Variants in ANKRD27 observed in about 807,000 individuals in gnomAD.
The protein encoded by ANKRD27 is ankyrin repeat domain-containing protein 27.
In ANKRD27, 112 loss-of-function variants were observed where a neutral mutation model predicts 129.7. That is an observed-to-expected ratio of 0.86 (90% CI 0.74 to 1.01). ANKRD27 has a LOEUF of 1.01. ANKRD27 is among the 50% of genes least tolerant of loss of function. The pLI, the probability that ANKRD27 is intolerant of heterozygous loss-of-function variation, is 0.00. For missense variants in ANKRD27, 1,258 were observed against 1,300.5 expected (o/e 0.97, Z 0.50); for synonymous variants, 516 against 511.2 (o/e 1.01, Z -0.13).
At chr19:32,642,212 GA>G in intron 9 of ANKRD27, 67 bp from the exon 10 acceptor site, 1 of 1,343,732 alleles carries the variant, frequency 7.4e-7, no homozygotes, top group Admixed American at 2.7e-5. Context: ...CTGGATCTAA[GA>G]ACACATCTCA....
At chr19:32,661,157 C>T (rs975324001) in intron 1 of ANKRD27, among the ~76,000 whole-genome samples, 11 of 150,878 alleles carry the variant, frequency 7.3e-5, no homozygotes, top group African/African-American at 2.7e-4. Flanking sequence ...GCCATGATCA[C>T]GCCACTGCAC....
chr19:32,629,125 T>C (rs259235), intron 13 of ANKRD27, among the ~76,000 whole-genome samples: 120,205 of 152,068 alleles, frequency 0.79, 48,433 homozygotes, highest in African/African-American at 0.95. Context: ...TTTGCCATGT[T>C]GGCCAGGCTG....
In ANKRD27 at chr19:32,615,791, A is replaced by G; in HGVS notation, c.2053-11T>C. 1 of 1,609,654 alleles carries G rather than the reference A, an allele frequency of 6.2e-7. No homozygotes were observed. The highest frequency in any genetic ancestry group is 8.5e-7 in the Non-Finnish European group (1 of 1,177,140). On this transcript the variant is annotated splice_polypyrimidine_tract_variant and intron_variant, in intron 21 of 28. Transcript: ENST00000306065. ...CAACAGGTAACGCACCTGGTGATGG[A>G]GAGTAACGGAAACAGGAACACATCC...
Position 32,643,194 on chromosome 19 carries a change from C to T in ANKRD27, c.711G>A (p.Ala237=), listed in dbSNP as rs754477383. The T allele has an allele frequency of 7.4e-6, 12 of 1,613,894 alleles. No homozygotes were observed. The highest frequency in any genetic ancestry group is 5.3e-5 in the African/African-American group (4 of 74,876). ...YVGTMEASED[A]AFNKITRSLQ... is the part of the protein sequence containing the mutation. ...GGCTTCTTGTGATTTTGTTAAAGGCCGCATCCTAACAACAGATTTTAACGA... is the reference window on the plus strand; with the variant it reads ...GGCTTCTTGTGATTTTGTTAAAGGCTGCATCCTAACAACAGATTTTAACGA... The change falls in exon 9 of 29, where the codon GCG becomes GCA. Residue 237 remains alanine, a synonymous_variant. Coordinates refer to ENST00000306065, the MANE Select transcript of ANKRD27 (RefSeq NM_032139.3).
At chr19:32,654,676 T>A (rs1568417028) in intron 2 of ANKRD27, among the ~76,000 whole-genome samples, 1 of 152,178 alleles carries the variant, frequency 6.6e-6, no homozygotes, top group Non-Finnish European at 1.5e-5. Context: ...TCTTTTTTTT[T>A]AGAGATGGTG....
At chr19:32,659,141 T>A in intron 1 of ANKRD27, 96 bp from the exon 2 acceptor site, 1 of 433,242 alleles carries the variant, frequency 2.3e-6, no homozygotes, top group Non-Finnish European at 3.8e-6. Context: ...TTCTTTTTCT[T>A]TTTTTTTTTT....
intron 10 of ANKRD27, 112 bp downstream of exon 10, chr19:32,641,912 G>C: frequency 3.8e-6 from 5 of 1,320,668 alleles, no homozygotes; most frequent in Non-Finnish European, 5.0e-6. Context: ...GGGTTACAGA[G>C]GTGAGCCACT....
intron 2 of ANKRD27, among the ~76,000 whole-genome samples, chr19:32,651,520 C>A (rs1165316920): frequency 6.6e-6 from 1 of 152,196 alleles, no homozygotes; most frequent in Non-Finnish European, 1.5e-5. Flanking sequence ...CAGGCGTCCG[C>A]CACCACACCC....
intron 20 of ANKRD27, among the ~76,000 whole-genome samples, chr19:32,618,256 C>T (rs1002866728): frequency 6.6e-6 from 1 of 151,182 alleles, no homozygotes; most frequent in East Asian, 1.9e-4. Context: ...AGGCCATGGT[C>T]GCCTTGGAAC....
chr19:32,600,596 G>C (rs995424924), intron 26 of ANKRD27, among the ~76,000 whole-genome samples: 15 of 152,108 alleles, frequency 9.9e-5, no homozygotes, highest in Non-Finnish European at 1.5e-5. Context: ...ATGCTCAGAA[G>C]AATCTGATTT....
rs545507649 is a variant in ANKRD27 at position 32,642,915 on chromosome 19, G to A, written c.782+208C>T. ...GCCCAGCGGCTCCCATCCAGCTGGC[G>A]TGCTGGTGCAGTGTGGGAGGGGGAC... On this transcript the variant is annotated intron_variant, in intron 9 of 28. Transcript: ENST00000306065. The A allele has an allele frequency of 7.5e-5, 45 of 596,190 alleles. No homozygotes were observed. The Middle Eastern group carries it at 1.8e-3, about 24-fold the overall frequency. 36.9% of individuals were successfully genotyped at this position (596,190 alleles called of 1,614,324 possible).
In ANKRD27 at chr19:32,597,985, C is replaced by T; in HGVS notation, c.*160G>A. On this transcript the variant is annotated 3_prime_UTR_variant, in exon 29 of 29. Transcript: ENST00000306065. ...ATGGTGGTGGTTAACTTTTTTGTTG[C>T]ATTCTTTCCTGCCACAGAAAAGCTT... is the stretch of plus-strand genomic sequence containing the variant. 2 of 641,836 alleles carry T rather than the reference C, an allele frequency of 3.1e-6. No homozygotes were observed. Among genetic ancestry groups the T allele is most frequent in the Admixed American group, 2.9e-5 (1 of 34,524 alleles). The allele number at this position is 641,836 out of a possible 1,614,324, so 39.8% of individuals were successfully genotyped here.
chr19:32,644,156 T>C (rs1967255974), intron 5 of ANKRD27, among the ~76,000 whole-genome samples, 169 bp downstream of exon 5: 1 of 152,124 alleles, frequency 6.6e-6, no homozygotes, highest in South Asian at 2.1e-4. Context: ...AAGACAGGCT[T>C]GTACCACCAT....
At chr19:32,600,141 C>G in intron 26 of ANKRD27, 91 bp from the exon 27 acceptor site, 1 of 1,001,354 alleles carries the variant, frequency 1.0e-6, no homozygotes, top group Non-Finnish European at 1.5e-6. Context: ...TTTCTATTCT[C>G]AGATTTACAA....
At position 32,625,909 on chromosome 19, in the gene ANKRD27, G is replaced by C. The variant is rs1443653692; in HGVS notation, c.1594C>G (p.Pro532Ala). Reference sequence around the variant, plus strand: ...CCGTAGGTGCAGGCCAGGTGGAGTGGCGTATTCCCATTGTTGTCCTGCACT... The same window carrying C: ...CCGTAGGTGCAGGCCAGGTGGAGTGCCGTATTCCCATTGTTGTCCTGCACT... ...AEVQDNNGNT[P>A]LHLACTYGHE... Residue 532 changes from proline to alanine, a missense_variant, in exon 17 of 29, where the codon CCA becomes GCA. Pro to Ala is a conservative substitution (Grantham distance 27). Transcript: ENST00000306065. 1 of 1,611,618 alleles carries C rather than the reference G, an allele frequency of 6.2e-7. No homozygotes were observed. Among genetic ancestry groups the C allele is most frequent in the South Asian group, 1.1e-5 (1 of 90,316 alleles).
intron 1 of ANKRD27, among the ~76,000 whole-genome samples, chr19:32,669,628 G>A (rs10417449): frequency 0.053 from 8,049 of 152,204 alleles, 741 homozygotes; most frequent in African/African-American, 0.18. Flanking sequence ...CTTCCACCCC[G>A]CAAGATGAGG....
rs1412462512 is a variant in ANKRD27, at chr19:32,598,290, G to A, written c.3008C>T (p.Pro1003Leu). Residue 1003 changes from proline to leucine, a missense_variant, in exon 29 of 29, where the codon CCA becomes CTA. Pro to Leu is a moderately conservative substitution (Grantham distance 98). Coordinates refer to ENST00000306065, the MANE Select transcript of ANKRD27 (RefSeq NM_032139.3). ...AGTCTGTGTCAGTCCAGGCCTCTCT[G>A]GCCAGTCGCTGTTGCCTTTCTCAGC... ...HAAEKGNSDW[P>L]ERPGLTQTGP... 3 of 1,614,066 alleles carry A rather than the reference G, an allele frequency of 1.9e-6. No individual in the cohort carries two copies. The highest frequency in any genetic ancestry group is 2.7e-5 in the African/African-American group (2 of 74,924).
chr19:32,661,222 C>T (rs867829144), intron 1 of ANKRD27, among the ~76,000 whole-genome samples: 4 of 27,328 alleles, frequency 1.5e-4, no homozygotes, highest in Non-Finnish European at 2.0e-4. Flanking sequence ...AAAAATTATA[C>T]ACACACACAC....
At position 32,656,067 on chromosome 19, in the gene ANKRD27, G is replaced by GAAAAGAAAGAAAGAAAGA. The variant is rs145882665; in HGVS notation, c.102+2846_102+2847insTCTTTCTTTCTTTCTTTT. 7.9e-5 allele frequency among the ~76,000 whole-genome samples: 4 copies of GAAAAGAAAGAAAGAAAGA among 50,856 alleles called. No homozygotes were observed. The South Asian group carries it at 2.2e-3, about 28-fold the overall frequency. The allele number at this position is 50,856 out of a possible 152,430, so 33.4% of individuals were successfully genotyped here. A position where few individuals can be genotyped will look rare whatever the true frequency, so the allele number is the denominator to read the frequency against. On this transcript the variant is annotated intron_variant, in intron 2 of 28. Coordinates refer to ENST00000306065, the MANE Select transcript of ANKRD27 (RefSeq NM_032139.3). ...AAAGAAAGAAAAGAAAGAAAAGAAA[G>GAAAAGAAAGAAAGAAAGA]AAAGAAAGAAAGAAAGAAAGAAAGA...
Sources: gnomAD v4.1 joint callset for allele counts (sites outside exome capture counted in the v4.1 genomes callset) on GRCh38, gnomAD v4.1.1 for gene constraint, MANE v1.5 for transcripts, NCBI Gene and HGNC (gene_info 2026-07-23, HGNC 2026-07-21) for gene names.